The following ABCA13 variants were observed in gnomAD, a reference collection of about 807,000 sequenced individuals.
The protein encoded by ABCA13 is ATP binding cassette subfamily A member 13.
ABCA13 carries 476 observed loss-of-function variants against 478.7 expected under a neutral mutation model. That is an observed-to-expected ratio of 0.99 (90% CI 0.92 to 1.07). The LOEUF is 1.07. ABCA13 is among the 50% of genes least tolerant of loss of function. The pLI, the probability that ABCA13 is intolerant of heterozygous loss-of-function variation, is 0.00. For missense variants in ABCA13, 6,060 were observed against 5,910.6 expected, an observed-to-expected ratio of 1.03 and a Z score of -0.83; for synonymous variants, 2,252 against 2,158.9, an observed-to-expected ratio of 1.04 and a Z score of -1.20.
chr7:48,343,515 T>C (rs1214204548), intron 29 of ABCA13, among the ~76,000 whole-genome samples: 1 of 152,170 alleles, frequency 6.6e-6, no homozygotes, highest in Non-Finnish European at 1.5e-5. Flanking sequence ...CTTCCCAAGG[T>C]TCTCTTTTCT....
chr7:48,297,190 T>C lies in ABCA13; in HGVS notation c.9120-42T>C, dbSNP rs1432240403. ...ATTCATTCCAACACTGTTTCTGATG[T>C]TTTAGCTTGCCTAATTTAGCTTTAA... On this transcript the variant is annotated intron_variant, in intron 21 of 61. Coordinates refer to ENST00000435803, the MANE Select transcript of ABCA13 (RefSeq NM_152701.5). 6.7e-6 allele frequency: 10 copies of C among 1,496,000 alleles called. No individual in the cohort carries two copies. In the Admixed American group the frequency reaches 1.9e-4, roughly 28 times the overall value. 92.7% of individuals were successfully genotyped at this position (1,496,000 alleles called of 1,614,324 possible). A position where few individuals can be genotyped will look rare whatever the true frequency, so the allele number is the denominator to read the frequency against.
In ABCA13 at chr7:48,478,283, A is replaced by T. The variant is rs564485606; in HGVS notation, c.12976-2753A>T. Among the ~76,000 whole-genome samples, 994 of 134,586 alleles carry T rather than the reference A, an allele frequency of 7.4e-3. 10 individuals carry two copies. The highest frequency in any genetic ancestry group is 0.025 in the African/African-American group (931 of 36,798). The allele number at this position is 134,586 out of a possible 152,430, so 88.3% of individuals were successfully genotyped here. ...AGTATTTCATTTTTATATATATCAT[A>T]TATATCATTTTATATATATATATAT... On this transcript the variant is annotated intron_variant, in intron 45 of 61. Coordinates refer to ENST00000435803, the MANE Select transcript of ABCA13 (RefSeq NM_152701.5).
chr7:48,464,134 A>G (rs1264733238), intron 43 of ABCA13, among the ~76,000 whole-genome samples: 2 of 152,244 alleles, frequency 1.3e-5, no homozygotes, highest in Non-Finnish European at 2.9e-5. Flanking sequence ...TCTAGAGTCT[A>G]GTAAGGACAG....
At chr7:48,210,467 G>T (rs1293624780) in intron 3 of ABCA13, among the ~76,000 whole-genome samples, 1 of 152,016 alleles carries the variant, frequency 6.6e-6, no homozygotes, top group African/African-American at 2.4e-5. Context: ...TGTGATGTAG[G>T]CATTTATTGC....
At chr7:48,224,409 G>A (rs1787851831) in intron 5 of ABCA13, among the ~76,000 whole-genome samples, 1 of 152,082 alleles carries the variant, frequency 6.6e-6, no homozygotes, top group African/African-American at 2.4e-5. Flanking sequence ...TTCAACTCTG[G>A]GCAGTACCTT....
At chr7:48,513,191 C>A (rs554955282) in intron 51 of ABCA13, among the ~76,000 whole-genome samples, 1 of 152,126 alleles carries the variant, frequency 6.6e-6, no homozygotes, top group Admixed American at 6.5e-5. Flanking sequence ...GTACACGGAG[C>A]CCAAGGGCAA....
At chr7:48,500,171 G>A (rs1189448082) in intron 48 of ABCA13, among the ~76,000 whole-genome samples, 6 of 152,160 alleles carry the variant, frequency 3.9e-5, no homozygotes, top group African/African-American at 7.2e-5. Context: ...ATCACGTCTC[G>A]TAGGATTCCT....
At chr7:48,281,905 CTG>C (rs1344817755) in intron 19 of ABCA13, among the ~76,000 whole-genome samples, 2 of 152,180 alleles carry the variant, frequency 1.3e-5, no homozygotes, top group Non-Finnish European at 2.9e-5. Flanking sequence ...AAGATAGAAA[CTG>C]TGTCATAACC....
chr7:48,565,245 T>A (rs977455133), intron 55 of ABCA13, among the ~76,000 whole-genome samples: 1 of 143,184 alleles, frequency 7.0e-6, no homozygotes. Flanking sequence ...CAGTAGTTTA[T>A]AACATTTTCT....
At chr7:48,249,549 G>A (rs1562878726) in intron 15 of ABCA13, among the ~76,000 whole-genome samples, 198 bp downstream of exon 15, 2 of 152,114 alleles carry the variant, frequency 1.3e-5, no homozygotes, top group South Asian at 2.1e-4. Context: ...GTCCTGGTTT[G>A]ACTGAGCTAC....
At chr7:48,339,255 A>G (rs557928032) in intron 29 of ABCA13, among the ~76,000 whole-genome samples, 2 of 152,370 alleles carry the variant, frequency 1.3e-5, no homozygotes, top group East Asian at 3.9e-4. Flanking sequence ...TTCCCTTTAA[A>G]AAAATTTCTG....
intron 7 of ABCA13, among the ~76,000 whole-genome samples, chr7:48,233,811 G>A (rs1398268879): frequency 6.6e-6 from 1 of 152,184 alleles, no homozygotes; most frequent in East Asian, 1.9e-4. Context: ...GCAACCATTT[G>A]TGCCAGGGAG....
At chr7:48,610,509 C>T (rs895704761) in intron 58 of ABCA13, among the ~76,000 whole-genome samples, 1 of 152,146 alleles carries the variant, frequency 6.6e-6, no homozygotes, top group South Asian at 2.1e-4. Flanking sequence ...GGGTGGTAGC[C>T]CTCTTCTCAC....
rs1563392180 is a variant in ABCA13, at chr7:48,524,312, AAG to A, written c.14121_14122del (p.Arg4707SerfsTer3). Reference protein sequence around the residue: ...SKDTDVEKEEKRVFEGRTNGD... With the variant: ...SKDTDVEKEEXRVFEGRTNGD... ...GGATACAGATGTTGAAAAAGAGGAAAAGAGAGTGTTTGAAGGAAGGACCAATG... is the reference window on the plus strand; with the variant it reads ...GGATACAGATGTTGAAAAAGAGGAAAAGAGTGTTTGAAGGAAGGACCAATG... On this transcript the variant is annotated frameshift_variant, in exon 54 of 62. Coordinates refer to ENST00000435803, the MANE Select transcript of ABCA13 (RefSeq NM_152701.5). LOFTEE classifies it high-confidence loss of function. 7 of 1,613,060 alleles carry A rather than the reference AAG, an allele frequency of 4.3e-6. No individual in the cohort carries two copies. Among genetic ancestry groups the A allele is most frequent in the Non-Finnish European group, 5.9e-6 (7 of 1,179,560 alleles).
In ABCA13 at chr7:48,524,342, G is replaced by A. The variant is rs199897900; in HGVS notation, c.14146G>A (p.Asp4716Asn). The stretch of plus-strand genomic sequence containing the variant: ...AGTGTTTGAAGGAAGGACCAATGGA[G>A]ACATTCTTGTGTTATACAACCTTAG... ...KRVFEGRTNG[D>N]ILVLYNLSKH... Residue 4716 changes from aspartate to asparagine, a missense_variant, in exon 54 of 62, where the codon GAC (aspartate) becomes AAC (asparagine). By Grantham distance (23) the Asp-to-Asn change is conservative. Coordinates refer to ENST00000435803, the MANE Select transcript of ABCA13 (RefSeq NM_152701.5). The A allele has an allele frequency of 1.9e-5, 30 of 1,613,118 alleles. No individual in the cohort carries two copies. Among genetic ancestry groups the A allele is most frequent in the Middle Eastern group, 1.6e-4 (1 of 6,078 alleles).
intron 48 of ABCA13, among the ~76,000 whole-genome samples, chr7:48,491,171 G>T (rs968106377): frequency 1.3e-5 from 2 of 152,140 alleles, no homozygotes; most frequent in African/African-American, 4.8e-5. Flanking sequence ...ATGCTAGTTT[G>T]GTTCACATAC....
intron 39 of ABCA13, among the ~76,000 whole-genome samples, chr7:48,406,504 C>T (rs910366667): frequency 2.0e-5 from 3 of 152,110 alleles, no homozygotes; most frequent in Non-Finnish European, 2.9e-5. Flanking sequence ...ATGTGGGAAG[C>T]GCAGCTTTTG....
chr7:48,545,425 C>T (rs1784736966), intron 55 of ABCA13, among the ~76,000 whole-genome samples: 1 of 151,706 alleles, frequency 6.6e-6, no homozygotes, highest in African/African-American at 2.4e-5. Flanking sequence ...ATTTGACTAC[C>T]TGTGATCTGA....
chr7:48,509,604 G>T (rs1011305620), intron 50 of ABCA13, among the ~76,000 whole-genome samples: 1 of 152,124 alleles, frequency 6.6e-6, no homozygotes, highest in African/African-American at 2.4e-5. Context: ...AGGACAGGAA[G>T]GGTTTCTTGC....
Sources: gnomAD v4.1 joint callset for allele counts (sites outside exome capture counted in the v4.1 genomes callset) on GRCh38, gnomAD v4.1.1 for gene constraint, MANE v1.5 for transcripts, NCBI Gene and HGNC (gene_info 2026-07-23, HGNC 2026-07-21) for gene names.